The following C13orf42 variants were observed in gnomAD, a reference collection of about 807,000 sequenced individuals.
C13orf42 encodes the protein chromosome 13 open reading frame 42.
chr13:51,134,083 T>C (rs1264289096), intron 1 of C13orf42, among the ~76,000 whole-genome samples: 1 of 152,198 alleles, frequency 6.6e-6, no homozygotes, highest in Non-Finnish European at 1.5e-5. Flanking sequence ...AGCTTGTAGG[T>C]AATTTATGGT....
At chr13:51,087,435 T>G (rs917054936) in intron 2 of C13orf42, among the ~76,000 whole-genome samples, 5 of 152,144 alleles carry the variant, frequency 3.3e-5, no homozygotes, top group African/African-American at 1.2e-4. Flanking sequence ...GAACATAAAA[T>G]TTACCATCAT....
intron 1 of C13orf42, among the ~76,000 whole-genome samples, chr13:51,093,121 A>G (rs1278985445): frequency 6.6e-6 from 1 of 152,188 alleles, no homozygotes; most frequent in Non-Finnish European, 1.5e-5. Context: ...TGTCTTGTGC[A>G]AGTTGGTTTG....
Position 51,106,588 on chromosome 13 carries a change from A to G in C13orf42, c.414+4208T>C, listed in dbSNP as rs550028349. ...CAAGCCCCAGTTTTCCCCTTTATAG[A>G]ATGAGGCTAATAGCCAACAGGTCAG... On this transcript the variant is annotated intron_variant, in intron 1 of 3. Transcript: ENST00000563710. 2.0e-5 allele frequency among the ~76,000 whole-genome samples: 3 copies of G among 152,268 alleles called. No individual in the cohort carries two copies. In the East Asian group the frequency reaches 5.8e-4, roughly 29 times the overall value.
chr13:51,123,293 G>T (rs1260701491), intron 1 of C13orf42, among the ~76,000 whole-genome samples: 1 of 152,218 alleles, frequency 6.6e-6, no homozygotes, highest in Non-Finnish European at 1.5e-5. Context: ...ATCTATTGCA[G>T]ATCAGCTGGG....
At chr13:51,133,604 G>A (rs1953635576) in intron 1 of C13orf42, among the ~76,000 whole-genome samples, 1 of 151,876 alleles carries the variant, frequency 6.6e-6, no homozygotes, top group Admixed American at 6.6e-5. Flanking sequence ...AACACTCTGG[G>A]AGCCCTGGGG....
At chr13:51,110,414 C>G (rs995311793) in intron 1 of C13orf42, among the ~76,000 whole-genome samples, 1 of 152,130 alleles carries the variant, frequency 6.6e-6, no homozygotes, top group African/African-American at 2.4e-5. Flanking sequence ...ACACCACTAC[C>G]TGCTCCTTTT....
At chr13:51,127,849 T>C (rs1953588494) in intron 1 of C13orf42, among the ~76,000 whole-genome samples, 1 of 152,190 alleles carries the variant, frequency 6.6e-6, no homozygotes, top group Admixed American at 6.5e-5. Flanking sequence ...CCATCTTGAA[T>C]AGGGGCTGGG....
At chr13:51,148,249 G>A (rs533330182) in intron 1 of C13orf42, among the ~76,000 whole-genome samples, 1 of 152,360 alleles carries the variant, frequency 6.6e-6, no homozygotes, top group South Asian at 2.1e-4. Context: ...CAGTCCTTGG[G>A]CTCAGCCAAG....
intron 1 of C13orf42, among the ~76,000 whole-genome samples, chr13:51,127,853 G>A (rs1012418816): frequency 6.6e-6 from 1 of 152,146 alleles, no homozygotes; most frequent in African/African-American, 2.4e-5. Context: ...CTTGAATAGG[G>A]GCTGGGTAAA....
intron 1 of C13orf42, among the ~76,000 whole-genome samples, chr13:51,137,197 T>C (rs956886376): frequency 3.3e-5 from 5 of 152,200 alleles, no homozygotes; most frequent in African/African-American, 1.2e-4. Flanking sequence ...AAACAGTACA[T>C]ATGTTTATAT....
At chr13:51,162,263 C>G (rs1411473211) in intron 1 of C13orf42, 3 of 194,532 alleles carry the variant, frequency 1.5e-5, no homozygotes, top group Non-Finnish European at 3.3e-5. Context: ...ATCAGTTTTA[C>G]CCTCACACTG....
At chr13:51,167,056 G>A (rs559298039) in intron 1 of C13orf42, among the ~76,000 whole-genome samples, 3 of 151,410 alleles carry the variant, frequency 2.0e-5, no homozygotes, top group Non-Finnish European at 4.4e-5. Context: ...TCCAGCCTGG[G>A]TGACAGAGTG....
intron 1 of C13orf42, among the ~76,000 whole-genome samples, chr13:51,137,620 G>A (rs925020600): frequency 2.0e-5 from 3 of 152,072 alleles, no homozygotes; most frequent in Admixed American, 6.5e-5. Flanking sequence ...AACAGAAAGG[G>A]GGCCCTTCCC....
Position 51,105,181 on chromosome 13 carries a change from G to A in C13orf42, c.414+5615C>T, listed in dbSNP as rs545436821. 2.0e-5 allele frequency among the ~76,000 whole-genome samples: 3 copies of A among 152,310 alleles called. No homozygotes were observed. The South Asian group carries it at 6.2e-4, about 32-fold the overall frequency. On this transcript the variant is annotated intron_variant, in intron 1 of 3. Transcript: ENST00000563710. ...TGAATTCTTCCCTGGGCTCAGAAGG[G>A]GCTGGCAGAAGCTACTGAGCTCAGC...
At chr13:51,163,552 AT>A (rs1953882846) in intron 1 of C13orf42, among the ~76,000 whole-genome samples, 1 of 152,084 alleles carries the variant, frequency 6.6e-6, no homozygotes, top group African/African-American at 2.4e-5. Flanking sequence ...TTTCTATAGT[AT>A]TTTCACTTAG....
intron 1 of C13orf42, among the ~76,000 whole-genome samples, chr13:51,158,987 T>C (rs1190597341): frequency 1.3e-5 from 2 of 152,252 alleles, no homozygotes; most frequent in Non-Finnish European, 1.5e-5. Context: ...GGGGCTTTCA[T>C]TGCATGTCAA....
At chr13:51,167,443 A>C (rs920980756) in intron 1 of C13orf42, among the ~76,000 whole-genome samples, 1 of 152,216 alleles carries the variant, frequency 6.6e-6, no homozygotes, top group Non-Finnish European at 1.5e-5. Context: ...GTCTAACAAC[A>C]ATAGGTACAA....
chr13:51,087,831 T>C (rs1953144388), intron 2 of C13orf42, 97 bp downstream of exon 2: 1 of 397,150 alleles, frequency 2.5e-6, no homozygotes. Context: ...GATGGCCTAT[T>C]CTATAAGTCC....
chr13:51,100,450 TATAA>T (rs1422306723), intron 1 of C13orf42, among the ~76,000 whole-genome samples: 1 of 152,150 alleles, frequency 6.6e-6, no homozygotes, highest in African/African-American at 2.4e-5. Flanking sequence ...GAAGTGTCCC[TATAA>T]ATAAATAACA....
Sources: allele counts gnomAD v4.1 joint callset (sites outside exome capture counted in the v4.1 genomes callset), GRCh38; gene constraint gnomAD v4.1.1; transcripts MANE v1.5; gene names NCBI Gene and HGNC (gene_info 2026-07-23, HGNC 2026-07-21).